Variants in OSBP2 observed in about 807,000 individuals in gnomAD.
The protein encoded by OSBP2 is oxysterol binding protein 2.
Under a neutral mutation model 96.0 loss-of-function variants are expected in OSBP2, and 66 were observed. That is an observed-to-expected ratio of 0.69 (90% CI 0.56 to 0.84). OSBP2 has a LOEUF of 0.84. Among genes scored for constraint, OSBP2 ranks in the 40% least tolerant of loss-of-function variants. OSBP2 has a pLI of 0.00. For missense variants in OSBP2, 1,038 were observed against 1,222.7 expected (o/e 0.85, Z 2.25); for synonymous variants, 525 against 520.9 (o/e 1.01, Z -0.11).
intron 5 of OSBP2, 131 bp downstream of exon 5, chr22:30,888,471 G>A: frequency 1.5e-6 from 1 of 683,930 alleles, no homozygotes; most frequent in Non-Finnish European, 2.6e-6. Context: ...AGGCCCAGTG[G>A]CTCCCAGCAC....
At chr22:30,752,543 GC>G (rs2145757971) in intron 2 of OSBP2, among the ~76,000 whole-genome samples, 1 of 152,002 alleles carries the variant, frequency 6.6e-6, no homozygotes, top group East Asian at 1.9e-4. Context: ...GCCTGCCTTG[GC>G]CTCCCAAAGT....
chr22:30,712,707 A>G (rs1361350087), intron 1 of OSBP2, among the ~76,000 whole-genome samples: 1 of 152,174 alleles, frequency 6.6e-6, no homozygotes, highest in East Asian at 1.9e-4. Flanking sequence ...TGCTTTGTCT[A>G]AGGCCCAGCA....
At chr22:30,863,386 G>GC (rs1339094302) in intron 2 of OSBP2, among the ~76,000 whole-genome samples, 4 of 152,134 alleles carry the variant, frequency 2.6e-5, no homozygotes, top group Non-Finnish European at 4.4e-5. Context: ...AGGGTGCAGC[G>GC]CCCCCGCAGT....
At chr22:30,782,591 C>T (rs945854082) in intron 2 of OSBP2, among the ~76,000 whole-genome samples, 3 of 152,158 alleles carry the variant, frequency 2.0e-5, no homozygotes, top group African/African-American at 4.8e-5. Flanking sequence ...TTGTTGCCTG[C>T]GTCACTAGTG....
chr22:30,846,854 T>C (rs2038881574), intron 2 of OSBP2, among the ~76,000 whole-genome samples: 1 of 152,240 alleles, frequency 6.6e-6, no homozygotes, highest in African/African-American at 2.4e-5. Context: ...CTAGTACTTT[T>C]CTGAGTATTT....
intron 1 of OSBP2, among the ~76,000 whole-genome samples, chr22:30,722,773 TTCTC>T (rs1459372724): frequency 9.0e-5 from 13 of 144,552 alleles, no homozygotes; most frequent in Non-Finnish European, 1.6e-4. Flanking sequence ...CTTTCTTTCT[TTCTC>T]TCTCTCTGTC....
intron 2 of OSBP2, among the ~76,000 whole-genome samples, chr22:30,839,692 TG>T (rs528001825): frequency 0.058 from 8,799 of 151,872 alleles, 268 homozygotes; most frequent in Non-Finnish European, 0.064. Context: ...TTGATGGGGT[TG>T]TTTTTTTCTT....
At chr22:30,749,075 C>T (rs1044978269) in intron 2 of OSBP2, among the ~76,000 whole-genome samples, 7 of 152,164 alleles carry the variant, frequency 4.6e-5, no homozygotes, top group Non-Finnish European at 8.8e-5. Context: ...GAGATTGTGT[C>T]ACTGCACTCC....
intron 2 of OSBP2, among the ~76,000 whole-genome samples, chr22:30,858,835 T>C (rs1314743041): frequency 6.6e-6 from 1 of 151,456 alleles, no homozygotes; most frequent in African/African-American, 2.4e-5. Context: ...GCCAATGTCG[T>C]ACCACTGCAC....
chr22:30,867,065 G>GTA (rs1255846562), intron 2 of OSBP2, among the ~76,000 whole-genome samples: 2 of 152,296 alleles, frequency 1.3e-5, no homozygotes, highest in Admixed American at 6.5e-5. Context: ...GTGTGTGTGG[G>GTA]TATGCATGGG....
Position 30,722,394 on chromosome 22 carries a change from C to G in OSBP2, c.645-18767C>G, listed in dbSNP as rs184400936. Among the ~76,000 whole-genome samples, 481 of 152,326 alleles carry G rather than the reference C, an allele frequency of 3.2e-3. 3 individuals carry two copies. The highest frequency in any genetic ancestry group is 0.011 in the African/African-American group (466 of 41,576). On this transcript the variant is annotated intron_variant, in intron 1 of 13. Coordinates refer to ENST00000332585, the MANE Select transcript of OSBP2 (RefSeq NM_030758.4). ...TTAGGGTCAATCAAGGGTCCACACT[C>G]AGTCAAATCCCACCCAACCTTAACT...
intron 1 of OSBP2, among the ~76,000 whole-genome samples, chr22:30,730,654 A>G (rs1247855550): frequency 6.8e-6 from 1 of 146,348 alleles, no homozygotes; most frequent in Admixed American, 6.9e-5. Context: ...AAGACTAAGT[A>G]CTTTGCTCCA....
At chr22:30,837,201 G>A (rs1023615064) in intron 2 of OSBP2, among the ~76,000 whole-genome samples, 6 of 151,314 alleles carry the variant, frequency 4.0e-5, no homozygotes, top group Non-Finnish European at 8.8e-5. Context: ...GGCAGAGGTT[G>A]CAGTGAGCCA....
At chr22:30,770,212 G>A (rs762239405) in intron 2 of OSBP2, among the ~76,000 whole-genome samples, 11 of 150,648 alleles carry the variant, frequency 7.3e-5, no homozygotes, top group South Asian at 2.1e-4. Flanking sequence ...CAATTCTCAT[G>A]CCTTAGCCTC....
chr22:30,905,700 C>G (rs1397752217), intron 12 of OSBP2, 137 bp from the exon 13 acceptor site: 1 of 1,340,866 alleles, frequency 7.5e-7, no homozygotes, highest in Non-Finnish European at 1.0e-6. Flanking sequence ...GGCCCAAGGC[C>G]AGAGGGAGTC....
chr22:30,732,964 C>G (rs986045098), intron 1 of OSBP2, among the ~76,000 whole-genome samples: 1 of 152,180 alleles, frequency 6.6e-6, no homozygotes, highest in African/African-American at 2.4e-5. Context: ...AATGGAAGTC[C>G]AGGCCAGCAC....
At chr22:30,718,019 G>A (rs565088410) in intron 1 of OSBP2, among the ~76,000 whole-genome samples, 2 of 152,292 alleles carry the variant, frequency 1.3e-5, no homozygotes, top group Admixed American at 1.3e-4. Flanking sequence ...ACCAGGCCAG[G>A]TCTCCTTCAG....
At chr22:30,744,343 A>G (rs866081828) in intron 2 of OSBP2, among the ~76,000 whole-genome samples, 9 of 152,302 alleles carry the variant, frequency 5.9e-5, no homozygotes, top group Middle Eastern at 3.4e-3. Flanking sequence ...GATGGTGGCC[A>G]GCTGGGTCAA....
intron 2 of OSBP2, among the ~76,000 whole-genome samples, chr22:30,747,913 G>C (rs2090025193): frequency 6.6e-6 from 1 of 152,026 alleles, no homozygotes; most frequent in Non-Finnish European, 1.5e-5. Flanking sequence ...GTGGAGTCTT[G>C]CTCTGTCACC....
Sources: allele counts gnomAD v4.1 joint callset (sites outside exome capture counted in the v4.1 genomes callset), GRCh38; gene constraint gnomAD v4.1.1; transcripts MANE v1.5; gene names NCBI Gene and HGNC (gene_info 2026-07-23, HGNC 2026-07-21).